RAPH1: variants seen among roughly 807,000 people sequenced by gnomAD.
RAPH1 encodes the protein ras-associated and pleckstrin homology domains-containing protein 1.
A neutral mutation model predicts 88.1 loss-of-function variants in RAPH1; 18 were observed. The observed-to-expected ratio is 0.20, with a 90% CI of 0.14 to 0.30. The LOEUF (loss-of-function observed/expected upper bound fraction) is 0.30, where lower values mean the gene tolerates loss of function less well. Ranked by LOEUF, RAPH1 falls within the 10% of genes least tolerant of loss-of-function variation. The pLI is 1.00. For missense variants in RAPH1, 1,448 were observed against 1,543.2 expected (o/e 0.94, Z 1.03); for synonymous variants, 587 against 559.0 (o/e 1.05, Z -0.71).
At chr2:203,517,718 GA>G (rs1447120231) in intron 1 of RAPH1, among the ~76,000 whole-genome samples, 7 of 151,658 alleles carry the variant, frequency 4.6e-5, no homozygotes, top group East Asian at 1.9e-4. Context: ...AAACATAATT[GA>G]AAAAAATATC....
intron 8 of RAPH1, among the ~76,000 whole-genome samples, chr2:203,456,341 A>T (rs956356215): frequency 6.6e-6 from 1 of 152,236 alleles, no homozygotes; most frequent in Non-Finnish European, 1.5e-5. Flanking sequence ...TGTCAAACTA[A>T]ACAGGAATAT....
intron 4 of RAPH1, among the ~76,000 whole-genome samples, chr2:203,482,939 G>A (rs1687795576): frequency 6.6e-6 from 1 of 152,216 alleles, no homozygotes; most frequent in Non-Finnish European, 1.5e-5. Context: ...CCAGAAGGTA[G>A]CTAGGAGAAT....
intron 13 of RAPH1, chr2:203,443,803 G>C (rs1307655010): frequency 6.6e-6 from 1 of 152,148 alleles, no homozygotes; most frequent in East Asian, 1.9e-4. Flanking sequence ...AAAATAGCCA[G>C]ACCTTGTCTC....
chr2:203,482,981 G>A (rs1687797607), intron 4 of RAPH1, among the ~76,000 whole-genome samples: 1 of 152,162 alleles, frequency 6.6e-6, no homozygotes, highest in African/African-American at 2.4e-5. Context: ...AGGCGTCTGG[G>A]CAGGGTTGAA....
intron 10 of RAPH1, among the ~76,000 whole-genome samples, chr2:203,453,718 G>A (rs2098516773): frequency 6.6e-6 from 1 of 151,914 alleles, no homozygotes; most frequent in South Asian, 2.1e-4. Flanking sequence ...ATATGAACAT[G>A]TAGACCTAAG....
At chr2:203,505,122 CT>C (rs1199837056) in intron 1 of RAPH1, among the ~76,000 whole-genome samples, 1 of 152,224 alleles carries the variant, frequency 6.6e-6, no homozygotes, top group Non-Finnish European at 1.5e-5. Flanking sequence ...TCCAAAGACA[CT>C]TCTACGTTTT....
At chr2:203,510,888 G>A (rs1488732069) in intron 1 of RAPH1, among the ~76,000 whole-genome samples, 1 of 151,956 alleles carries the variant, frequency 6.6e-6, no homozygotes, top group African/African-American at 2.4e-5. Flanking sequence ...GCGAGACTCT[G>A]TCTGTATTAA....
chr2:203,492,836 T>A (rs1223043762), intron 2 of RAPH1, among the ~76,000 whole-genome samples: 2 of 152,198 alleles, frequency 1.3e-5, no homozygotes, highest in East Asian at 1.9e-4. Flanking sequence ...CTTAACCTTT[T>A]TAAAGGGGTT....
Position 203,528,468 on chromosome 2 carries a change from A to G in RAPH1, c.-1+6643T>C, listed in dbSNP as rs1581417780. On this transcript the variant is annotated intron_variant, in intron 1 of 13. Transcript: ENST00000319170. ...CAAACTTTGTACTAGCCCAATCTGC[A>G]TAATTGATGGATACAAACTTAACAG... is the stretch of plus-strand genomic sequence containing the variant. Among the ~76,000 whole-genome samples the G allele has an allele frequency of 3.3e-5, 5 of 152,340 alleles. No individual in the cohort carries two copies. The South Asian group carries it at 1.0e-3, about 32-fold the overall frequency.
intron 4 of RAPH1, among the ~76,000 whole-genome samples, chr2:203,474,207 A>T (rs2098535470): frequency 2.0e-5 from 3 of 152,172 alleles, no homozygotes; most frequent in Admixed American, 2.0e-4. Context: ...TTCTCAAAAG[A>T]GGGTAGCTCT....
chr2:203,506,507 G>A (rs1169184523), intron 1 of RAPH1, among the ~76,000 whole-genome samples: 4 of 150,786 alleles, frequency 2.7e-5, no homozygotes, highest in South Asian at 2.1e-4. Context: ...GCAACAGAGC[G>A]AGACTCCGTC....
intron 13 of RAPH1, chr2:203,443,670 A>AAT (rs1187525264): frequency 6.6e-6 from 1 of 152,040 alleles, no homozygotes; most frequent in Non-Finnish European, 1.5e-5. Context: ...AATGAGTCTG[A>AAT]ATAAATTAAC....
At chr2:203,506,248 G>A (rs1373893821) in intron 1 of RAPH1, among the ~76,000 whole-genome samples, 1 of 152,128 alleles carries the variant, frequency 6.6e-6, no homozygotes, top group Non-Finnish European at 1.5e-5. Flanking sequence ...AAAAAGATGG[G>A]CAGAAATAAA....
chr2:203,506,890 A>C (rs1278820248), intron 1 of RAPH1, among the ~76,000 whole-genome samples: 15 of 103,290 alleles, frequency 1.5e-4, no homozygotes, highest in Middle Eastern at 4.5e-3. Flanking sequence ...AGATATATAT[A>C]TATATATATT....
chr2:203,455,837 G>A lies in RAPH1; in HGVS notation c.1159-257C>T, dbSNP rs1215938167. 3.0e-4 allele frequency among the ~76,000 whole-genome samples: 45 copies of A among 148,398 alleles called. No homozygotes were observed. The East Asian group carries it at 7.1e-3, about 24-fold the overall frequency. On this transcript the variant is annotated intron_variant, in intron 8 of 13. Coordinates refer to ENST00000319170, the MANE Select transcript of RAPH1 (RefSeq NM_213589.3). Reference sequence around the variant, plus strand: ...AGCCTGGCCAACATAGTGAAACCACGTCTCTACTTAAAAAAAAAAAAAAAA... The same window carrying A: ...AGCCTGGCCAACATAGTGAAACCACATCTCTACTTAAAAAAAAAAAAAAAA...
At chr2:203,470,087 C>G (rs1258670402) in intron 4 of RAPH1, 1 of 516,606 alleles carries the variant, frequency 1.9e-6, no homozygotes, top group Non-Finnish European at 3.4e-6. Context: ...TCATTAAGAT[C>G]AGTAAATAAT....
In RAPH1 at chr2:203,506,737, T is replaced by C. The variant is rs1315843904; in HGVS notation, c.1-11384A>G. Among the ~76,000 whole-genome samples the C allele has an allele frequency of 3.2e-5, 4 of 125,338 alleles. 1 individual carries two copies. Among genetic ancestry groups the C allele is most frequent in the African/African-American group, 1.6e-4 (4 of 25,382 alleles). 82.2% of individuals were successfully genotyped at this position (125,338 alleles called of 152,430 possible). ...ACTGACTAAAATCCATATATAGATA[T>C]ATATCTATATATATATATATCTATA... On this transcript the variant is annotated intron_variant, in intron 1 of 13. Transcript: ENST00000319170.
At chr2:203,510,072 A>G (rs1156743073) in intron 1 of RAPH1, among the ~76,000 whole-genome samples, 1 of 152,190 alleles carries the variant, frequency 6.6e-6, no homozygotes, top group South Asian at 2.1e-4. Flanking sequence ...TAGTAATATG[A>G]GAATGGCCTA....
rs368518605 is a variant in RAPH1, at chr2:203,495,322, T to C, written c.32A>G (p.His11Arg). The C allele has an allele frequency of 4.3e-6, 7 of 1,613,966 alleles. No individual in the cohort carries two copies. The highest frequency in any genetic ancestry group is 1.3e-5 in the African/African-American group (1 of 74,944). MEQLSDEEID[H>R]GAEEDSDKED... ...CTTGTCACTGTCTTCTTCAGCACCA[T>C]GATCAATTTCTTCATCTGATAGCTG... Residue 11 changes from histidine to arginine, a missense_variant, in exon 2 of 14, where the codon CAT (histidine) becomes CGT (arginine). By Grantham distance (29) the His-to-Arg change is conservative. Transcript: ENST00000319170.
Sources: gnomAD v4.1 joint callset for allele counts (sites outside exome capture counted in the v4.1 genomes callset) on GRCh38, gnomAD v4.1.1 for gene constraint, MANE v1.5 for transcripts, NCBI Gene and HGNC (gene_info 2026-07-23, HGNC 2026-07-21) for gene names.